The following CEP295NL variants were observed in gnomAD, a reference collection of about 807,000 sequenced individuals.
CEP295NL encodes CEP295 N-terminal like, also known as protein DDC8 homolog.
A neutral mutation model predicts 4.6 loss-of-function variants in CEP295NL; 3 were observed. That is an observed-to-expected ratio of 0.65 (90% confidence interval 0.30 to 1.69). The LOEUF (loss-of-function observed/expected upper bound fraction) is 1.69, where lower values mean the gene tolerates loss of function less well. Among genes scored for constraint, CEP295NL ranks in the 40% most tolerant of loss-of-function variants. The pLI is 0.10. For synonymous variants in CEP295NL, 295 were observed against 312.2 expected (o/e 0.94, Z 0.58); for missense variants, 719 against 769.0 (o/e 0.93, Z 0.77).
chr17:78,890,954 AGTT>A lies in CEP295NL; in HGVS notation c.1547_1549del (p.Gln516del), dbSNP rs1205642461. ...GTGTTCCATTTGTTCAAGCGATTCC[AGTT>A]GTTTTTGTCTTCTCTGCTCCATCTC... On this transcript the variant is annotated inframe_deletion, in exon 3 of 3. Transcript: ENST00000322630. 6 of 1,550,786 alleles carry A rather than the reference AGTT, an allele frequency of 3.9e-6. No homozygotes were observed. In the South Asian group the frequency reaches 5.9e-5, roughly 15 times the overall value.
Position 78,896,648 on chromosome 17 carries a change from T to C in CEP295NL, c.45-4189A>G, listed in dbSNP as rs993697163. On this transcript the variant is annotated intron_variant, in intron 2 of 2. Coordinates refer to ENST00000322630, the MANE Select transcript of CEP295NL (RefSeq NM_001243540.2). The surrounding 1 kb of genome is among the most constrained non-coding windows in gnomAD (Gnocchi z 4.4). ...TCCTGCCACCCCGAGCTGACAAGCC[T>C]GCCTTCTGCTGGCTGCCTTCAACCA... Among the ~76,000 whole-genome samples the C allele has an allele frequency of 6.6e-6, 1 of 152,092 alleles. No homozygotes were observed. Among genetic ancestry groups the C allele is most frequent in the Non-Finnish European group, 1.5e-5 (1 of 68,004 alleles).
chr17:78,899,986 T>C (rs1257559683), intron 2 of CEP295NL: 4 of 152,240 alleles, frequency 2.6e-5, no homozygotes, highest in African/African-American at 9.6e-5. Context: ...CCCTTTCATA[T>C]GGAAAGTTAG....
Position 78,896,882 on chromosome 17 carries a change from G to C in CEP295NL, c.45-4423C>G. ...TGGCAGCTCCACCCCAGACCGATCC[G>C]ATCCCAGCACCTGGGCCCAGGAATG... On this transcript the variant is annotated intron_variant, in intron 2 of 2. Transcript: ENST00000322630. This position sits in a 1 kb window ranked among gnomAD's most constrained non-coding sequence, Gnocchi z 4.4. The C allele has an allele frequency of 1.0e-6, 1 of 979,928 alleles. No homozygotes were observed. The highest frequency in any genetic ancestry group is 1.2e-6 in the Non-Finnish European group (1 of 825,072). The allele number at this position is 979,928 out of a possible 1,614,324, so 60.7% of individuals were successfully genotyped here.
At chr17:78,901,359 C>T (rs2070090278) in intron 2 of CEP295NL, 2 of 218,272 alleles carry the variant, frequency 9.2e-6, no homozygotes, top group Admixed American at 1.0e-4. Context: ...TGTTCAAGAC[C>T]TAAAGGAGAT....
In CEP295NL at chr17:78,896,120, G is replaced by A. The variant is rs1000711683; in HGVS notation, c.45-3661C>T. Among the ~76,000 whole-genome samples the A allele has an allele frequency of 6.6e-5, 10 of 152,258 alleles. No individual in the cohort carries two copies. The highest frequency in any genetic ancestry group is 2.0e-4 in the Admixed American group (3 of 15,282). On this transcript the variant is annotated intron_variant, in intron 2 of 2. Transcript: ENST00000322630. The surrounding 1 kb of genome is among the most constrained non-coding windows in gnomAD (Gnocchi z 4.4). Reference sequence around the variant, plus strand: ...CTCCATCCTTCAGGAATCGATCCCCGCTCTGACACCATCAGATGCAACCTC... The same window carrying A: ...CTCCATCCTTCAGGAATCGATCCCCACTCTGACACCATCAGATGCAACCTC...
chr17:78,900,961 G>A (rs4789865), intron 2 of CEP295NL: 86,298 of 152,266 alleles, frequency 0.57, 25,139 homozygotes, highest in African/African-American at 0.7. Context: ...CAGCCAGCCC[G>A]ACCTCACCTG....
chr17:78,893,175 A>AGGGG (rs2069932491), intron 2 of CEP295NL, among the ~76,000 whole-genome samples: 4 of 101,844 alleles, frequency 3.9e-5, no homozygotes, highest in African/African-American at 7.6e-5. Flanking sequence ...GTGTGCATAC[A>AGGGG]TGTGTGTGCA....
In CEP295NL at chr17:78,896,797, G is replaced by A. The variant is rs2070008226; in HGVS notation, c.45-4338C>T. ...CCTCCCACAGAGCGGAGTGGACACT[G>A]GGCCCATTCTCCTCTCTTGCTCTCT... On this transcript the variant is annotated intron_variant, in intron 2 of 2. Coordinates refer to ENST00000322630, the MANE Select transcript of CEP295NL (RefSeq NM_001243540.2). This position sits in a 1 kb window ranked among gnomAD's most constrained non-coding sequence, Gnocchi z 4.4. The A allele has an allele frequency of 2.3e-6, 1 of 427,492 alleles. No homozygotes were observed. Among genetic ancestry groups the A allele is most frequent in the African/African-American group, 2.2e-5 (1 of 46,168 alleles). The allele number at this position is 427,492 out of a possible 1,614,324, so 26.5% of individuals were successfully genotyped here.
chr17:78,893,088 C>T (rs994199516), intron 2 of CEP295NL, among the ~76,000 whole-genome samples: 2 of 149,572 alleles, frequency 1.3e-5, no homozygotes, highest in Non-Finnish European at 3.0e-5. Context: ...CACGCGTGTG[C>T]AGGGGTGTGT....
intron 2 of CEP295NL, chr17:78,899,528 T>A (rs1325293700): frequency 1.3e-5 from 2 of 152,250 alleles, no homozygotes; most frequent in Non-Finnish European, 2.9e-5. Flanking sequence ...GGCCCAGGAA[T>A]GCAGCCAGTT....
In CEP295NL at chr17:78,892,247, C is replaced by G; in HGVS notation, c.257G>C (p.Arg86Pro). The change falls in exon 3 of 3, where the codon CGG (arginine) becomes CCG (proline). Residue 86 changes from arginine to proline, a missense_variant. By Grantham distance (103) the Arg-to-Pro change is moderately radical. Transcript: ENST00000322630. ...WRKKHKLLQARGKGDLALQRR... is the reference protein window; with the variant it reads ...WRKKHKLLQAPGKGDLALQRR... ...CTGCAGAGCGAGATCGCCTTTGCCC[C>G]GGGCTTGTAGCAATTTGTGCTTTTT... The G allele has an allele frequency of 6.4e-7, 1 of 1,550,938 alleles. No individual in the cohort carries two copies. The highest frequency in any genetic ancestry group is 1.4e-5 in the African/African-American group (1 of 73,192).
At position 78,891,108 on chromosome 17, in the gene CEP295NL, A is replaced by G. The variant is rs1274402095; in HGVS notation, c.1396T>C (p.Tyr466His). ...GTCTCTTGTCCAGATTCAGTGCTAT[A>G]CAATAATGAGTCCTCTTTGTTGATA... ...IFINKEDSLL[Y>H]STESGQETPK... Residue 466 changes from tyrosine to histidine, a missense_variant, in exon 3 of 3, where the codon TAT becomes CAT. Physicochemically the swap from Tyr to His is moderately conservative, Grantham distance 83. Coordinates refer to ENST00000322630, the MANE Select transcript of CEP295NL (RefSeq NM_001243540.2). This position sits in a 1 kb window ranked among gnomAD's most constrained non-coding sequence, Gnocchi z 4.5. 3.9e-6 allele frequency: 6 copies of G among 1,550,770 alleles called. No individual in the cohort carries two copies. Among genetic ancestry groups the G allele is most frequent in the Non-Finnish European group, 5.2e-6 (6 of 1,147,030 alleles).
intron 2 of CEP295NL, chr17:78,900,100 G>A (rs2070067327): frequency 6.6e-6 from 1 of 152,112 alleles, no homozygotes; most frequent in Admixed American, 6.5e-5. Flanking sequence ...TCCCTCGAGG[G>A]CTTTTAAAAT....
rs1319773493 is a variant in CEP295NL at position 78,901,874 on chromosome 17, A to AGGGCT, written c.-51_-47dup. On this transcript the variant is annotated 5_prime_UTR_variant, in exon 2 of 3. Coordinates refer to ENST00000322630, the MANE Select transcript of CEP295NL (RefSeq NM_001243540.2). ...CAGGAGGGCAGGAAGCACTGTCTCC[A>AGGGCT]GGGCTGTCTTGAAATCACTGGGCTG... is the stretch of plus-strand genomic sequence containing the variant. 2.9e-6 allele frequency: 2 copies of AGGGCT among 678,896 alleles called. No individual in the cohort carries two copies. The highest frequency in any genetic ancestry group is 5.5e-5 in the East Asian group (2 of 36,524). The allele number at this position is 678,896 out of a possible 1,614,324, so 42.1% of individuals were successfully genotyped here. A position where few individuals can be genotyped will look rare whatever the true frequency, so the allele number is the denominator to read the frequency against.
chr17:78,895,921 C>T (rs937519913), intron 2 of CEP295NL, among the ~76,000 whole-genome samples: 2 of 152,248 alleles, frequency 1.3e-5, no homozygotes, highest in African/African-American at 4.8e-5. Context: ...CAAGTCTTCC[C>T]TGCTCTGGAA....
intron 2 of CEP295NL, among the ~76,000 whole-genome samples, chr17:78,901,546 G>A (rs547456297): frequency 6.6e-6 from 1 of 152,236 alleles, no homozygotes; most frequent in South Asian, 2.1e-4. Context: ...GTCCTAGGAA[G>A]AAAAGCCAAA....
At chr17:78,892,514 C>G (rs2069917832) in intron 2 of CEP295NL, 55 bp from the exon 3 acceptor site, 1 of 1,493,158 alleles carries the variant, frequency 6.7e-7, no homozygotes, top group Non-Finnish European at 8.9e-7. Context: ...GGAGAGTGAG[C>G]AAAGCCCTGG....
intron 2 of CEP295NL, chr17:78,897,643 C>CG (rs1471351688): frequency 6.6e-6 from 1 of 152,328 alleles, no homozygotes; most frequent in Non-Finnish European, 1.5e-5. Context: ...AGGACCCCCC[C>CG]GAACAGACAC....
chr17:78,901,374 G>A (rs56924828), intron 2 of CEP295NL: 15,993 of 226,486 alleles, frequency 0.071, 652 homozygotes, highest in Middle Eastern at 0.11. Flanking sequence ...GGAGATGCAC[G>A]GGCTGAAGAA....
Sources: allele counts gnomAD v4.1 joint callset (sites outside exome capture counted in the v4.1 genomes callset), GRCh38; gene constraint gnomAD v4.1.1; non-coding constraint Gnocchi (gnomAD v3.1); transcripts MANE v1.5; gene names NCBI Gene and HGNC (gene_info 2026-07-23, HGNC 2026-07-21).